PACS2: variants seen among roughly 807,000 people sequenced by gnomAD.
PACS2 encodes phosphofurin acidic cluster sorting protein 2, also known as PACS1-like protein.
PACS2 carries 36 observed loss-of-function variants against 113.0 expected under a neutral mutation model. The observed-to-expected ratio is 0.32, with a 90% CI of 0.24 to 0.42. The LOEUF (loss-of-function observed/expected upper bound fraction) is 0.42. Among genes scored for constraint, PACS2 ranks in the 10% least tolerant of loss-of-function variants. The pLI, the probability that PACS2 is intolerant of heterozygous loss-of-function variation, is 1.00. For synonymous variants in PACS2, 589 were observed against 536.1 expected, an observed-to-expected ratio of 1.10 and a Z score of -1.36; for missense variants, 1,015 against 1,239.5, an observed-to-expected ratio of 0.82 and a Z score of 2.72.
At chr14:105,390,116 C>G in intron 20 of PACS2, 113 bp downstream of exon 20, 2 of 976,322 alleles carry the variant, frequency 2.0e-6, no homozygotes, top group East Asian at 2.4e-5. Flanking sequence ...CCCACAGATA[C>G]GAGCTGGGGA....
intron 1 of PACS2, among the ~76,000 whole-genome samples, chr14:105,305,908 C>T (rs1208863771): frequency 2.6e-5 from 4 of 152,244 alleles, no homozygotes; most frequent in Admixed American, 1.3e-4. Flanking sequence ...TCACTCGCAC[C>T]GCGCCAAAGA....
Position 105,356,459 on chromosome 14 carries a change from C to A in PACS2, c.423+1282C>A, listed in dbSNP as rs1340771944. Among the ~76,000 whole-genome samples the A allele has an allele frequency of 2.0e-5, 3 of 152,164 alleles. No homozygotes were observed. The highest frequency in any genetic ancestry group is 4.4e-5 in the Non-Finnish European group (3 of 67,990). On this transcript the variant is annotated intron_variant, in intron 4 of 24. Coordinates refer to ENST00000447393, the MANE Select transcript of PACS2 (RefSeq NM_001100913.3). The surrounding 1 kb of genome is among the most constrained non-coding windows in gnomAD (Gnocchi z 4.0). ...GGACCGGGCCTCCAGGCTGCACTTC[C>A]CAGGGCCCTGGGACCCCTCTGGTGG... is the stretch of plus-strand genomic sequence containing the variant.
chr14:105,363,006 G>A (rs1457764108), intron 4 of PACS2, among the ~76,000 whole-genome samples: 1 of 152,180 alleles, frequency 6.6e-6, no homozygotes, highest in Non-Finnish European at 1.5e-5. Flanking sequence ...GTCATATTTT[G>A]AAAGGAACCT....
chr14:105,322,150 C>A (rs2058917843), intron 1 of PACS2, among the ~76,000 whole-genome samples: 1 of 151,960 alleles, frequency 6.6e-6, no homozygotes, highest in Non-Finnish European at 1.5e-5. Context: ...GTTGGCCAGG[C>A]TGGTCTCGAA....
At chr14:105,342,889 C>G (rs1314654774) in intron 1 of PACS2, among the ~76,000 whole-genome samples, 2 of 149,436 alleles carry the variant, frequency 1.3e-5, no homozygotes, top group African/African-American at 2.5e-5. Flanking sequence ...GAGCCAAGAT[C>G]GCACCACTGC....
intron 21 of PACS2, 104 bp from the exon 22 acceptor site, chr14:105,391,527 C>A: frequency 1.2e-6 from 1 of 829,154 alleles, no homozygotes; most frequent in Non-Finnish European, 1.9e-6. Flanking sequence ...CCCTGCCCAC[C>A]CCCAGGAGCT....
chr14:105,387,241 C>A (rs1411643948), intron 19 of PACS2, among the ~76,000 whole-genome samples: 1 of 152,214 alleles, frequency 6.6e-6, no homozygotes, highest in Admixed American at 6.5e-5. Flanking sequence ...GGGACCTGTG[C>A]AGAGCCCTCT....
At chr14:105,384,170 G>C (rs192044670) in intron 16 of PACS2, 183 bp from the exon 17 acceptor site, 5,751 of 574,604 alleles carry the variant, frequency 0.01, 47 homozygotes, top group Middle Eastern at 0.029. Flanking sequence ...CTCCTTCAGC[G>C]GGGCCACAGG....
chr14:105,390,624 A>T (rs1555414584), intron 20 of PACS2: 1 of 168,018 alleles, frequency 6.0e-6, no homozygotes. Context: ...CGGTTTCCCC[A>T]CTGGTGGAAC....
chr14:105,318,994 C>CTGGA (rs1313624228), intron 1 of PACS2, among the ~76,000 whole-genome samples: 1 of 149,804 alleles, frequency 6.7e-6, no homozygotes, highest in Non-Finnish European at 1.5e-5. Flanking sequence ...GTCGCCCAGG[C>CTGGA]TGGAGTGCAG....
At position 105,394,615 on chromosome 14, in the gene PACS2, C is replaced by T. The variant is rs781992929; in HGVS notation, c.2658C>T (p.Ser886=). 5.0e-6 allele frequency: 8 copies of T among 1,613,504 alleles called. No homozygotes were observed. The East Asian group carries it at 1.8e-4, about 36-fold the overall frequency. The part of the protein sequence containing the change: ...VKFFQLAAQW[S]SHVKHFPICI... ...TCTTCCAGCTGGCCGCGCAGTGGTC[C>T]TCGCACGTGAAGCACTTCCCCATCT... is the stretch of plus-strand genomic sequence containing the variant. Residue 886 remains serine, a synonymous_variant, in exon 25 of 25, where the codon TCC becomes TCT. Transcript: ENST00000447393.
rs1296696490 is a variant in PACS2, at chr14:105,369,991, T to A, written c.801+91T>A. The A allele has an allele frequency of 6.2e-6, 7 of 1,129,008 alleles. No individual in the cohort carries two copies. In the African/African-American group the frequency reaches 1.1e-4, roughly 17 times the overall value. 69.9% of individuals were successfully genotyped at this position (1,129,008 alleles called of 1,614,324 possible). On this transcript the variant is annotated intron_variant, in intron 8 of 24. Coordinates refer to ENST00000447393, the MANE Select transcript of PACS2 (RefSeq NM_001100913.3). ...CTCTGGGGTCTGTCTCCGGGCCACC[T>A]CTGGTTCTGCCGCTCACCGTCTGCA...
intron 1 of PACS2, among the ~76,000 whole-genome samples, chr14:105,326,186 C>T (rs1219214235): frequency 1.3e-5 from 2 of 152,232 alleles, no homozygotes; most frequent in African/African-American, 2.4e-5. Flanking sequence ...GACCAGCGCC[C>T]GCCTCCCTGG....
chr14:105,368,207 G>A (rs1327918543), intron 6 of PACS2, 60 bp downstream of exon 6: 1 of 1,238,154 alleles, frequency 8.1e-7, no homozygotes, highest in Non-Finnish European at 1.2e-6. Flanking sequence ...CCTGGGGTCT[G>A]TGGGGTCCTC....
At chr14:105,382,359 T>G in intron 13 of PACS2, 118 bp from the exon 14 acceptor site, 1 of 740,408 alleles carries the variant, frequency 1.4e-6, no homozygotes, top group Admixed American at 2.0e-5. Flanking sequence ...GCTCTCTTCC[T>G]GCCACCGAGC....
In PACS2 at chr14:105,391,700, C is replaced by T. The variant is rs782067835; in HGVS notation, c.2189C>T (p.Ala730Val). The T allele has an allele frequency of 7.9e-5, 126 of 1,604,944 alleles. No individual in the cohort carries two copies. Among genetic ancestry groups the T allele is most frequent in the African/African-American group, 4.0e-5 (3 of 74,812 alleles). ...TCCACCCCGCCGTCCGCATCTCCTG[C>T]GGCCAAGGAGGCCTCACCCACCCCG... Reference protein sequence around the residue: ...LSSTPPSASPAAKEASPTPPS... With the variant: ...LSSTPPSASPVAKEASPTPPS... The change falls in exon 22 of 25, where the codon GCG (alanine) becomes GTG (valine). Residue 730 changes from alanine (A) to valine (V), a missense_variant. Ala to Val is a moderately conservative substitution (Grantham distance 64). This residue lies in a region of PACS2 where 859 missense variants were observed against 1,056.8 expected (regional missense o/e 0.81). Coordinates refer to ENST00000447393, the MANE Select transcript of PACS2 (RefSeq NM_001100913.3).
chr14:105,301,383 A>T (rs1286428416), intron 1 of PACS2: 1 of 94,154 alleles, frequency 1.1e-5, no homozygotes, highest in African/African-American at 4.2e-5. Context: ...GGGCGGGGGA[A>T]GGGGGCGGAG....
At chr14:105,342,780 A>T (rs1221201121) in intron 1 of PACS2, among the ~76,000 whole-genome samples, 1 of 151,676 alleles carries the variant, frequency 6.6e-6, no homozygotes, top group Non-Finnish European at 1.5e-5. Flanking sequence ...GTAAAAATAT[A>T]AAAAATTAGC....
intron 1 of PACS2, among the ~76,000 whole-genome samples, chr14:105,328,159 G>A (rs2059188988): frequency 6.6e-6 from 1 of 152,260 alleles, no homozygotes; most frequent in Admixed American, 6.5e-5. Flanking sequence ...TGTTTCCCTA[G>A]GTGTGGAGGT....
Sources: allele counts gnomAD v4.1 joint callset (sites outside exome capture counted in the v4.1 genomes callset), GRCh38; gene constraint gnomAD v4.1.1; regional missense constraint gnomAD v4.1.1; non-coding constraint Gnocchi (gnomAD v3.1); transcripts MANE v1.5; gene names NCBI Gene and HGNC (gene_info 2026-07-23, HGNC 2026-07-21).